The following TMEM232 variants were observed in gnomAD, a reference collection of about 807,000 sequenced individuals.
The protein encoded by TMEM232 is transmembrane protein 232.
TMEM232 carries 80 observed loss-of-function variants against 78.8 expected under a neutral mutation model. The ratio of observed to expected loss-of-function variants is 1.01; its 90% CI spans 0.85 to 1.22. The LOEUF (loss-of-function observed/expected upper bound fraction) is 1.22, where lower values mean the gene tolerates loss of function less well. Ranked by LOEUF, TMEM232 falls within the 50% of genes most tolerant of loss-of-function variation. TMEM232 has a pLI of 0.00. For missense variants in TMEM232, 881 were observed against 742.2 expected, an observed-to-expected ratio of 1.19 and a Z score of -2.17; for synonymous variants, 297 against 254.3, an observed-to-expected ratio of 1.17 and a Z score of -1.60.
intron 10 of TMEM232, among the ~76,000 whole-genome samples, chr5:110,578,462 C>T (rs917693655): frequency 6.6e-6 from 1 of 151,866 alleles, no homozygotes; most frequent in Non-Finnish European, 1.5e-5. Flanking sequence ...TAACAAGTTG[C>T]CTTAAGTAAT....
intron 12 of TMEM232, among the ~76,000 whole-genome samples, chr5:110,505,477 A>C (rs918029995): frequency 6.6e-6 from 1 of 152,082 alleles, no homozygotes; most frequent in African/African-American, 2.4e-5. Context: ...AGTACCCAAC[A>C]TGTCCGAAAT....
At chr5:110,430,120 A>AT (rs1757666035) in intron 12 of TMEM232, 1 of 151,182 alleles carries the variant, frequency 6.6e-6, no homozygotes, top group Non-Finnish European at 1.5e-5. Flanking sequence ...AAGAGGGATG[A>AT]TATCAGAAAA....
At chr5:110,454,284 T>TA (rs1391012405) in intron 12 of TMEM232, among the ~76,000 whole-genome samples, 2 of 151,866 alleles carry the variant, frequency 1.3e-5, no homozygotes, top group East Asian at 3.9e-4. Context: ...TTTAAACAAA[T>TA]AAAAAAATCA....
chr5:110,543,208 C>T (rs1773375706), intron 11 of TMEM232, among the ~76,000 whole-genome samples: 1 of 152,042 alleles, frequency 6.6e-6, no homozygotes, highest in African/African-American at 2.4e-5. Context: ...CTACTCCTCA[C>T]TTACTTCCCT....
intron 1 of TMEM232, among the ~76,000 whole-genome samples, chr5:110,688,034 G>A (rs142972177): frequency 0.012 from 1,786 of 151,970 alleles, 46 homozygotes; most frequent in African/African-American, 0.04. Context: ...TGAAGGCTTT[G>A]CATATTTTGT....
intron 10 of TMEM232, among the ~76,000 whole-genome samples, chr5:110,586,283 T>C (rs538678854): frequency 3.0e-4 from 45 of 152,248 alleles, no homozygotes; most frequent in African/African-American, 1.1e-3. Context: ...CTGTATAAAT[T>C]TTCCAATCAT....
chr5:110,449,994 T>C lies in TMEM232; in HGVS notation c.1704-25078A>G, dbSNP rs56071191. Among the ~76,000 whole-genome samples, 710 of 151,998 alleles carry C rather than the reference T, an allele frequency of 4.7e-3. 4 individuals are homozygous for C. Among genetic ancestry groups the C allele is most frequent in the African/African-American group, 0.016 (683 of 41,444 alleles). On this transcript the variant is annotated intron_variant, in intron 12 of 13. Coordinates refer to ENST00000455884, the MANE Select transcript of TMEM232 (RefSeq NM_001039763.4). ...GTTGGGTGAGGGACGTGGAGGGAGG[T>C]GATTGGATCATGTCGCATATTTCCC...
chr5:110,672,503 T>C (rs538977123), intron 1 of TMEM232, among the ~76,000 whole-genome samples: 10 of 152,324 alleles, frequency 6.6e-5, no homozygotes, highest in South Asian at 2.1e-4. Context: ...ATATATTTTA[T>C]TACTTAGGAC....
At chr5:110,734,208 G>C (rs1364622734) in intron 2 of TMEM232, among the ~76,000 whole-genome samples, 1 of 152,160 alleles carries the variant, frequency 6.6e-6, no homozygotes, top group Non-Finnish European at 1.5e-5. Flanking sequence ...CTAGATTTTG[G>C]TGATGTTGGC....
At chr5:110,482,091 C>T (rs1277450335) in intron 12 of TMEM232, among the ~76,000 whole-genome samples, 1 of 151,980 alleles carries the variant, frequency 6.6e-6, no homozygotes, top group Non-Finnish European at 1.5e-5. Flanking sequence ...AAGCTCCAAA[C>T]AAAATCTAAC....
intron 11 of TMEM232, among the ~76,000 whole-genome samples, chr5:110,540,244 A>G (rs1038767270): frequency 6.6e-6 from 1 of 152,168 alleles, no homozygotes; most frequent in Non-Finnish European, 1.5e-5. Context: ...AGCTGGATGG[A>G]GTGGCCTCGG....
intron 11 of TMEM232, among the ~76,000 whole-genome samples, chr5:110,542,112 C>T (rs1481087444): frequency 2.6e-5 from 4 of 152,144 alleles, no homozygotes; most frequent in Non-Finnish European, 5.9e-5. Flanking sequence ...TCCCATCAGC[C>T]ACTACACCTG....
chr5:110,554,796 T>A (rs1281899049), intron 11 of TMEM232, among the ~76,000 whole-genome samples: 1 of 152,178 alleles, frequency 6.6e-6, no homozygotes, highest in Non-Finnish European at 1.5e-5. Context: ...CTAAGGCTTT[T>A]TGTAGTTGTC....
At chr5:110,584,505 AAG>A (rs1778579939) in intron 10 of TMEM232, among the ~76,000 whole-genome samples, 1 of 152,208 alleles carries the variant, frequency 6.6e-6, no homozygotes, top group South Asian at 2.1e-4. Flanking sequence ...TGGAGGCAAT[AAG>A]AGAATTGCGA....
intron 5 of TMEM232, among the ~76,000 whole-genome samples, 176 bp downstream of exon 5, chr5:110,638,022 T>C (rs1462191265): frequency 6.6e-6 from 1 of 152,046 alleles, no homozygotes; most frequent in African/African-American, 2.4e-5. Context: ...ACTATCTCCA[T>C]TTAGATATTA....
intron 2 of TMEM232, among the ~76,000 whole-genome samples, chr5:110,648,203 C>T (rs1027448574): frequency 1.3e-5 from 2 of 152,078 alleles, no homozygotes; most frequent in African/African-American, 4.8e-5. Context: ...AAATTAGATG[C>T]TACTTCACAT....
chr5:110,652,807 C>T (rs1005257153), intron 2 of TMEM232, among the ~76,000 whole-genome samples: 3 of 152,156 alleles, frequency 2.0e-5, no homozygotes, highest in South Asian at 2.1e-4. Context: ...TTAGGCTTCA[C>T]GCATTCCAAT....
At chr5:110,731,863 C>A (rs567034601) in intron 2 of TMEM232, among the ~76,000 whole-genome samples, 34 of 152,328 alleles carry the variant, frequency 2.2e-4, no homozygotes, top group African/African-American at 7.9e-4. Context: ...CTGTGGCCAG[C>A]TTGAATTTCT....
chr5:110,452,266 T>C (rs1760384566), intron 12 of TMEM232, among the ~76,000 whole-genome samples: 1 of 152,218 alleles, frequency 6.6e-6, no homozygotes, highest in Admixed American at 6.5e-5. Context: ...ATGTATTTTG[T>C]ATACAGACAA....
Sources: allele counts gnomAD v4.1 joint callset (sites outside exome capture counted in the v4.1 genomes callset), GRCh38; gene constraint gnomAD v4.1.1; transcripts MANE v1.5; gene names NCBI Gene and HGNC (gene_info 2026-07-23, HGNC 2026-07-21).